Variants in FHIT observed in about 807,000 individuals in gnomAD.
FHIT encodes the protein bis(5'-adenosyl)-triphosphatase.
In FHIT, 19 loss-of-function variants were observed where a neutral mutation model predicts 17.9. The observed-to-expected ratio is 1.06, with a 90% CI of 0.74 to 1.56. FHIT has a LOEUF of 1.56. Among genes scored for constraint, FHIT ranks in the 40% most tolerant of loss-of-function variants. The pLI, the probability that FHIT is intolerant of heterozygous loss-of-function variation, is 0.00. For missense variants in FHIT, 248 were observed against 189.2 expected, an observed-to-expected ratio of 1.31 and a Z score of -1.82; for synonymous variants, 81 against 69.7, an observed-to-expected ratio of 1.16 and a Z score of -0.81.
intron 4 of FHIT, among the ~76,000 whole-genome samples, chr3:60,677,493 T>C (rs955088599): frequency 6.6e-6 from 1 of 152,198 alleles, no homozygotes; most frequent in Non-Finnish European, 1.5e-5. Flanking sequence ...TTTCATTCAT[T>C]TTCTGTGGCT....
rs548058262 is a variant in FHIT at position 60,182,403 on chromosome 3, G to A, written c.104-168251C>T. 2.6e-5 allele frequency among the ~76,000 whole-genome samples: 4 copies of A among 152,252 alleles called. No homozygotes were observed. In the East Asian group the frequency reaches 7.7e-4, roughly 29 times the overall value. Reference sequence around the variant, plus strand: ...GCATCTTTAAGTAGCACAAAACATGGCAGCAGACGCTCTCCTTCATATTAG... The same window carrying A: ...GCATCTTTAAGTAGCACAAAACATGACAGCAGACGCTCTCCTTCATATTAG... On this transcript the variant is annotated intron_variant, in intron 5 of 9. Transcript: ENST00000492590.
intron 8 of FHIT, among the ~76,000 whole-genome samples, chr3:59,896,082 T>C (rs1366224923): frequency 3.3e-5 from 5 of 152,212 alleles, no homozygotes; most frequent in Non-Finnish European, 7.3e-5. Flanking sequence ...AGTTTTCTTG[T>C]CTTTAGATTA....
intron 3 of FHIT, among the ~76,000 whole-genome samples, chr3:61,012,290 A>G (rs941809526): frequency 2.6e-5 from 4 of 152,156 alleles, no homozygotes; most frequent in Non-Finnish European, 4.4e-5. Context: ...CCCAGGAAAA[A>G]GAGAAATTGA....
chr3:60,672,172 A>G (rs1163081021), intron 4 of FHIT, among the ~76,000 whole-genome samples: 2 of 152,062 alleles, frequency 1.3e-5, no homozygotes, highest in Non-Finnish European at 2.9e-5. Flanking sequence ...TGTAGTCAGC[A>G]TATTATTGGG....
intron 5 of FHIT, among the ~76,000 whole-genome samples, chr3:60,278,590 G>T (rs998406338): frequency 1.3e-5 from 2 of 152,018 alleles, no homozygotes. Context: ...TGAATAAGGA[G>T]CTCTTAGGAA....
intron 8 of FHIT, among the ~76,000 whole-genome samples, chr3:59,815,655 A>G (rs1700572962): frequency 6.6e-6 from 1 of 152,178 alleles, no homozygotes; most frequent in Non-Finnish European, 1.5e-5. Context: ...CGAACACTGT[A>G]TGTCCTCACT....
chr3:59,979,917 C>T (rs1436733481), intron 7 of FHIT, among the ~76,000 whole-genome samples: 1 of 152,192 alleles, frequency 6.6e-6, no homozygotes, highest in African/African-American at 2.4e-5. Context: ...AACAGTAGCT[C>T]TTCTCCAGTC....
At chr3:60,964,443 ATAT>A (rs1265795097) in intron 3 of FHIT, among the ~76,000 whole-genome samples, 1 of 152,062 alleles carries the variant, frequency 6.6e-6, no homozygotes, top group African/African-American at 2.4e-5. Context: ...TTTAAGGTTA[ATAT>A]TATTATGTGT....
chr3:60,878,330 C>T (rs1396478455), intron 3 of FHIT, among the ~76,000 whole-genome samples: 2 of 152,046 alleles, frequency 1.3e-5, no homozygotes, highest in African/African-American at 2.4e-5. Context: ...ACTTCAAGTA[C>T]CAATCCCTGG....
intron 5 of FHIT, among the ~76,000 whole-genome samples, chr3:60,260,808 A>G (rs1393947194): frequency 6.6e-6 from 1 of 152,000 alleles, no homozygotes; most frequent in Non-Finnish European, 1.5e-5. Flanking sequence ...GCCAAAACCC[A>G]TCGAAACCAA....
chr3:60,741,610 C>T (rs2042243252), intron 4 of FHIT, among the ~76,000 whole-genome samples: 1 of 152,198 alleles, frequency 6.6e-6, no homozygotes, highest in South Asian at 2.1e-4. Context: ...GTAACATTCC[C>T]CCCAGGCACT....
chr3:60,221,137 G>C (rs1324894613), intron 5 of FHIT, among the ~76,000 whole-genome samples: 1 of 152,110 alleles, frequency 6.6e-6, no homozygotes. Flanking sequence ...TATTCAGCTG[G>C]TCCCAAATGC....
intron 5 of FHIT, among the ~76,000 whole-genome samples, chr3:60,247,424 T>TGATGGA (rs1553722502): frequency 1.3e-5 from 2 of 151,134 alleles, no homozygotes; most frequent in Non-Finnish European, 2.9e-5. Flanking sequence ...AGGAAGAAGA[T>TGATGGA]GATGAAGATG....
chr3:59,855,786 G>GT (rs67545645), intron 8 of FHIT, among the ~76,000 whole-genome samples: 16,784 of 144,412 alleles, frequency 0.12, 1,103 homozygotes, highest in Non-Finnish European at 0.16. Context: ...ACCTTTTTTT[G>GT]TTTTTTTTTT....
At chr3:60,184,699 C>T (rs1377570685) in intron 5 of FHIT, among the ~76,000 whole-genome samples, 13 of 152,136 alleles carry the variant, frequency 8.5e-5, no homozygotes, top group Non-Finnish European at 1.5e-5. Flanking sequence ...CCACGTGTGG[C>T]CGACATTTAA....
chr3:60,908,338 A>T (rs1706543507), intron 3 of FHIT, among the ~76,000 whole-genome samples: 7 of 152,232 alleles, frequency 4.6e-5, no homozygotes. Context: ...AAAAAAGAAC[A>T]AAAGTACAGG....
At chr3:60,585,430 T>C (rs1385223296) in intron 4 of FHIT, among the ~76,000 whole-genome samples, 1 of 152,064 alleles carries the variant, frequency 6.6e-6, no homozygotes, top group Non-Finnish European at 1.5e-5. Flanking sequence ...AAGTTATTCA[T>C]AGACAATTTC....
chr3:60,072,964 T>C (rs1332336105), intron 5 of FHIT, among the ~76,000 whole-genome samples: 1 of 152,180 alleles, frequency 6.6e-6, no homozygotes, highest in Non-Finnish European at 1.5e-5. Context: ...ATGACTGCAC[T>C]GTGTTACTAA....
intron 5 of FHIT, among the ~76,000 whole-genome samples, chr3:60,520,942 T>C (rs1487867999): frequency 2.0e-5 from 3 of 152,138 alleles, no homozygotes; most frequent in Non-Finnish European, 2.9e-5. Flanking sequence ...GTTTGATTTT[T>C]ACTACCATGC....
Sources: gnomAD v4.1 joint callset for allele counts (sites outside exome capture counted in the v4.1 genomes callset) on GRCh38, gnomAD v4.1.1 for gene constraint, MANE v1.5 for transcripts, NCBI Gene and HGNC (gene_info 2026-07-23, HGNC 2026-07-21) for gene names.